AQP3: variants seen among roughly 807,000 people sequenced by gnomAD.
AQP3 encodes aquaporin-3.
Under a neutral mutation model 30.3 loss-of-function variants are expected in AQP3, and 15 were observed. The observed-to-expected ratio is 0.49, with a 90% confidence interval of 0.33 to 0.76. The LOEUF (loss-of-function observed/expected upper bound fraction) is 0.76, where lower values mean the gene tolerates loss of function less well. Among genes scored for constraint, AQP3 ranks in the 30% least tolerant of loss-of-function variants. The pLI is 0.02. For synonymous variants in AQP3, 153 were observed against 163.2 expected (o/e 0.94, Z 0.47); for missense variants, 272 against 384.8 (o/e 0.71, Z 2.45).
chr9:33,444,904 G>C (rs1283470298), intron 1 of AQP3, among the ~76,000 whole-genome samples: 1 of 152,132 alleles, frequency 6.6e-6, no homozygotes, highest in Non-Finnish European at 1.5e-5. Flanking sequence ...ACTATCCCCA[G>C]CCCGGGACCC....
Position 33,441,972 on chromosome 9 carries a change from G to A in AQP3, c.*71C>T. 2 of 1,582,136 alleles carry A rather than the reference G, an allele frequency of 1.3e-6. No individual in the cohort carries two copies. Among genetic ancestry groups the A allele is most frequent in the South Asian group, 1.1e-5 (1 of 87,308 alleles). Reference sequence around the variant, plus strand: ...GGTGGATCGTGAAGGGGGCTTCTTGGGAGTGGCCCTTGGACAGTCAGTGGA... The same window carrying A: ...GGTGGATCGTGAAGGGGGCTTCTTGAGAGTGGCCCTTGGACAGTCAGTGGA... On this transcript the variant is annotated 3_prime_UTR_variant, in exon 6 of 6. Coordinates refer to ENST00000297991, the MANE Select transcript of AQP3 (RefSeq NM_004925.5).
intron 1 of AQP3, among the ~76,000 whole-genome samples, chr9:33,445,669 A>C (rs1316790382): frequency 6.6e-6 from 1 of 151,952 alleles, no homozygotes; most frequent in Non-Finnish European, 1.5e-5. Context: ...CCTTGGGGCT[A>C]ATCTTCCTCT....
intron 1 of AQP3, among the ~76,000 whole-genome samples, chr9:33,447,184 C>T (rs1826925522): frequency 6.6e-6 from 1 of 152,218 alleles, no homozygotes. Context: ...ACGATCGGCA[C>T]TATCACTGGG....
In AQP3 at chr9:33,447,496, C is replaced by T. The variant is rs1326007663; in HGVS notation, c.35G>A (p.Gly12Glu). 6.2e-7 allele frequency: 1 copy of T among 1,609,706 alleles called. No homozygotes were observed. Among genetic ancestry groups the T allele is most frequent in the Non-Finnish European group, 8.5e-7 (1 of 1,178,526 alleles). ...GRQKELVSRC[G>E]EMLHIRYRLL... is the part of the protein sequence containing the mutation. ...CCGGTAGCGGATGTGGAGCATCTCCCCGCAGCGGGACACCAGCTCCTTCTG... is the reference window on the plus strand; with the variant it reads ...CCGGTAGCGGATGTGGAGCATCTCCTCGCAGCGGGACACCAGCTCCTTCTG... Residue 12 changes from glycine (G) to glutamate (E), a missense_variant, in exon 1 of 6, where the codon GGG (glycine) becomes GAG (glutamate). Transcript: ENST00000297991.
At chr9:33,445,945 T>G (rs894873398) in intron 1 of AQP3, among the ~76,000 whole-genome samples, 1 of 152,138 alleles carries the variant, frequency 6.6e-6, no homozygotes, top group Admixed American at 6.5e-5. Flanking sequence ...CTGCAACCCT[T>G]CCCCTAAAAT....
Position 33,447,541 on chromosome 9 carries a change from G to C in AQP3, c.-11C>G. On this transcript the variant is annotated 5_prime_UTR_variant, in exon 1 of 6. Transcript: ENST00000297991. The stretch of plus-strand genomic sequence containing the variant: ...CTTCTGTCGACCCATGGCGGGGCAG[G>C]CGGCGGCGCTGTCGGGCGGGCAGGG... 6.3e-7 allele frequency: 1 copy of C among 1,587,532 alleles called. No individual in the cohort carries two copies. The highest frequency in any genetic ancestry group is 8.6e-7 in the Non-Finnish European group (1 of 1,166,022).
At position 33,443,757 on chromosome 9, in the gene AQP3, A is replaced by G. The variant is rs772842687; in HGVS notation, c.235+9T>C. On this transcript the variant is annotated intron_variant, in intron 2 of 5. Transcript: ENST00000297991. This position sits in a 1 kb window ranked among gnomAD's most constrained non-coding sequence, Gnocchi z 5.0. ...GGGCCAAGGGCTGGGGGCAGGGTTA[A>G]GGCCTTACCAGAGACCTGGCCAGCG... 76 of 1,613,820 alleles carry G rather than the reference A, an allele frequency of 4.7e-5. No homozygotes were observed. In the South Asian group the frequency reaches 8.0e-4, roughly 17 times the overall value.
At chr9:33,446,316 G>A (rs1267858464) in intron 1 of AQP3, among the ~76,000 whole-genome samples, 20 of 152,152 alleles carry the variant, frequency 1.3e-4, no homozygotes, top group Non-Finnish European at 8.8e-5. Flanking sequence ...AGCCAGAAGT[G>A]GGTTTCAGCC....
chr9:33,441,957 G>A lies in AQP3; in HGVS notation c.*86C>T. 3 of 1,563,042 alleles carry A rather than the reference G, an allele frequency of 1.9e-6. No homozygotes were observed. The South Asian group carries it at 3.5e-5, about 18-fold the overall frequency. ...TCCTTAGCCTGAAAGGGTGGATCGTGAAGGGGGCTTCTTGGGAGTGGCCCT... is the reference window on the plus strand; with the variant it reads ...TCCTTAGCCTGAAAGGGTGGATCGTAAAGGGGGCTTCTTGGGAGTGGCCCT... On this transcript the variant is annotated 3_prime_UTR_variant, in exon 6 of 6. Coordinates refer to ENST00000297991, the MANE Select transcript of AQP3 (RefSeq NM_004925.5).
rs999347586 is a variant in AQP3, at chr9:33,443,970, A to C, written c.109-78T>G. 5 of 1,548,064 alleles carry C rather than the reference A, an allele frequency of 3.2e-6. No individual in the cohort carries two copies. ...AGAAGGAAGGGGTGAAGCCAGCAAC[A>C]TGCCCACTCGCCACCACTGGGAGGA... On this transcript the variant is annotated intron_variant, in intron 1 of 5. Coordinates refer to ENST00000297991, the MANE Select transcript of AQP3 (RefSeq NM_004925.5). The surrounding 1 kb of genome is among the most constrained non-coding windows in gnomAD (Gnocchi z 5.0).
intron 1 of AQP3, among the ~76,000 whole-genome samples, chr9:33,445,052 C>A (rs1297706712): frequency 6.6e-6 from 1 of 152,148 alleles, no homozygotes; most frequent in Non-Finnish European, 1.5e-5. Flanking sequence ...GTAATCCCAG[C>A]ACTTTGGAGG....
chr9:33,444,042 T>C, intron 1 of AQP3, 150 bp from the exon 2 acceptor site: 3 of 1,030,918 alleles, frequency 2.9e-6, no homozygotes, highest in Non-Finnish European at 4.1e-6. Context: ...CTGCTGTAAT[T>C]GCACTTTCCA....
rs1587198649 is a variant in AQP3 at position 33,443,268 on chromosome 9, T to C, written c.373+53A>G. 21 of 1,556,248 alleles carry C rather than the reference T, an allele frequency of 1.3e-5. No homozygotes were observed. The East Asian group carries it at 5.1e-4, about 38-fold the overall frequency. ...CATCAAAAGGCCTGGTGCCAGCAGG[T>C]CCTGAACAGAGGGACGGGGGTAGTG... On this transcript the variant is annotated intron_variant, in intron 3 of 5. Transcript: ENST00000297991. This position sits in a 1 kb window ranked among gnomAD's most constrained non-coding sequence, Gnocchi z 5.0.
chr9:33,444,578 C>T (rs190885913), intron 1 of AQP3, among the ~76,000 whole-genome samples: 2 of 142,330 alleles, frequency 1.4e-5, no homozygotes, highest in Non-Finnish European at 3.0e-5. Context: ...TCAGCCTGGG[C>T]GACAGAGCGG....
chr9:33,441,865 C>T lies in AQP3; in HGVS notation c.*178G>A. On this transcript the variant is annotated 3_prime_UTR_variant, in exon 6 of 6. Transcript: ENST00000297991. ...AGCTTAGGGGCAGTGGCCTAAGGTG[C>T]TATTTGGGCAAGGTCCAGTGGAAAT... The T allele has an allele frequency of 9.8e-7, 1 of 1,018,374 alleles. No individual in the cohort carries two copies. The highest frequency in any genetic ancestry group is 1.4e-6 in the Non-Finnish European group (1 of 691,754). The allele number at this position is 1,018,374 out of a possible 1,614,324, so 63.1% of individuals were successfully genotyped here. A position where few individuals can be genotyped will look rare whatever the true frequency, so the allele number is the denominator to read the frequency against.
chr9:33,442,064 C>T lies in AQP3; in HGVS notation c.858G>A (p.Val286=). 1 of 1,613,932 alleles carries T rather than the reference C, an allele frequency of 6.2e-7. No individual in the cohort carries two copies. The highest frequency in any genetic ancestry group is 8.5e-7 in the Non-Finnish European group (1 of 1,180,024). ...NEEENVKLAH[V]KHKEQI ...CCACTCAGATCTGCTCCTTGTGCTT[C>T]ACATGGGCCAGCTTCACATTCTCTT... The change falls in exon 6 of 6, where the codon GTG becomes GTA. Residue 286 remains valine (V), a synonymous_variant. Transcript: ENST00000297991.
At chr9:33,447,176 G>A (rs1826925327) in intron 1 of AQP3, among the ~76,000 whole-genome samples, 1 of 152,204 alleles carries the variant, frequency 6.6e-6, no homozygotes, top group Non-Finnish European at 1.5e-5. Flanking sequence ...GAGGGTAAAC[G>A]ATCGGCACTA....
At position 33,443,205 on chromosome 9, in the gene AQP3, T is replaced by C; in HGVS notation, c.373+116A>G. On this transcript the variant is annotated intron_variant, in intron 3 of 5. Transcript: ENST00000297991. This position sits in a 1 kb window ranked among gnomAD's most constrained non-coding sequence, Gnocchi z 5.0. Reference sequence around the variant, plus strand: ...TTGACCCTGTGCGTGAATGAGTGAGTCATGAGCCCGGGGCCTGGGCAGGTC... The same window carrying C: ...TTGACCCTGTGCGTGAATGAGTGAGCCATGAGCCCGGGGCCTGGGCAGGTC... 1.4e-6 allele frequency: 2 copies of C among 1,437,178 alleles called. No homozygotes were observed. Among genetic ancestry groups the C allele is most frequent in the Non-Finnish European group, 1.9e-6 (2 of 1,045,918 alleles). The allele number at this position is 1,437,178 out of a possible 1,614,324, so 89.0% of individuals were successfully genotyped here.
chr9:33,443,002 G>C lies in AQP3; in HGVS notation c.374-32C>G, dbSNP rs369349773. On this transcript the variant is annotated intron_variant, in intron 3 of 5. Transcript: ENST00000297991. The surrounding 1 kb of genome is among the most constrained non-coding windows in gnomAD (Gnocchi z 5.0). ...ACAGATTAGACACACAGTGAGTCGG[G>C]GGAGAGGCCTGAGCCCAGACTTCCC... 126 of 1,592,672 alleles carry C rather than the reference G, an allele frequency of 7.9e-5. No individual in the cohort carries two copies. The African/African-American group carries it at 1.4e-3, about 18-fold the overall frequency.
Sources: allele counts gnomAD v4.1 joint callset (sites outside exome capture counted in the v4.1 genomes callset), GRCh38; gene constraint gnomAD v4.1.1; non-coding constraint Gnocchi (gnomAD v3.1); transcripts MANE v1.5; gene names NCBI Gene and HGNC (gene_info 2026-07-23, HGNC 2026-07-21).